TRIM75: variants seen among roughly 807,000 people sequenced by gnomAD.
TRIM75 encodes the protein tripartite motif-containing protein 75.
chr4:165,059,479 A>T, the TRIM75 span: 2 of 780,882 alleles, frequency 2.6e-6, no homozygotes, highest in Non-Finnish European at 4.8e-6. Context: ...TGCAAGGAGG[A>T]CCTGATGGTG....
chr4:165,056,015 A>G, the TRIM75 span, among the ~76,000 whole-genome samples: 2 of 150,192 alleles, frequency 1.3e-5, no homozygotes, highest in African/African-American at 2.5e-5. Flanking sequence ...TCCTGGGTTC[A>G]AGCGACTTTC....
the TRIM75 span, chr4:165,060,359 G>A: frequency 6.4e-6 from 5 of 780,906 alleles, no homozygotes; most frequent in African/African-American, 6.7e-5. Flanking sequence ...CAACCCCTCT[G>A]TTGTTAGAGG....
chr4:165,055,078 A>T, the TRIM75 span, among the ~76,000 whole-genome samples: 1 of 152,058 alleles, frequency 6.6e-6, no homozygotes, highest in Non-Finnish European at 1.5e-5. Flanking sequence ...GGAGGGGTTA[A>T]GTAGCTCCCC....
the TRIM75 span, among the ~76,000 whole-genome samples, chr4:165,054,324 C>A: frequency 1.4e-5 from 2 of 144,016 alleles, no homozygotes. Flanking sequence ...GGCTGGAGTG[C>A]AGTGGCTATC....
At chr4:165,057,252 G>C in the TRIM75 span, among the ~76,000 whole-genome samples, 1 of 152,032 alleles carries the variant, frequency 6.6e-6, no homozygotes, top group Admixed American at 6.6e-5. Flanking sequence ...GCTCACACCT[G>C]TAATCCTCGC....
the TRIM75 span, chr4:165,060,005 G>T: frequency 2.6e-6 from 2 of 774,644 alleles, no homozygotes; most frequent in East Asian, 4.9e-5. Context: ...CTGCTCTGCA[G>T]AGAATTATAA....
the TRIM75 span, among the ~76,000 whole-genome samples, chr4:165,055,865 G>A: frequency 2.6e-5 from 4 of 151,544 alleles, no homozygotes; most frequent in Non-Finnish European, 4.4e-5. Flanking sequence ...GGTGGATCAC[G>A]TGAGCCCAAG....
the TRIM75 span, among the ~76,000 whole-genome samples, chr4:165,055,266 G>T: frequency 1.3e-5 from 2 of 149,712 alleles, no homozygotes; most frequent in African/African-American, 2.5e-5. Context: ...GAGCCACTGT[G>T]CCTGGTAAGA....
At chr4:165,054,764 G>T in the TRIM75 span, among the ~76,000 whole-genome samples, 2 of 152,106 alleles carry the variant, frequency 1.3e-5, no homozygotes, top group African/African-American at 4.8e-5. Context: ...TACTAGTTTT[G>T]TCCTAAGTCA....
the TRIM75 span, among the ~76,000 whole-genome samples, chr4:165,054,781 T>C: frequency 2.0e-4 from 31 of 152,184 alleles, no homozygotes; most frequent in Non-Finnish European, 3.2e-4. Flanking sequence ...GTCACCGAAA[T>C]GCTTACTAAA....
chr4:165,055,639 G>A, the TRIM75 span, among the ~76,000 whole-genome samples: 1 of 152,158 alleles, frequency 6.6e-6, no homozygotes, highest in Non-Finnish European at 1.5e-5. Context: ...GCTGGAAGAT[G>A]AGGCCAGAGG....
the TRIM75 span, among the ~76,000 whole-genome samples, chr4:165,054,266 ATTTT>A: frequency 0.029 from 2,821 of 96,878 alleles, 122 homozygotes; most frequent in African/African-American, 0.1. Context: ...TAATTTGTGT[ATTTT>A]TTTTTTTTTT....
chr4:165,054,718 C>T, the TRIM75 span, among the ~76,000 whole-genome samples: 4 of 152,098 alleles, frequency 2.6e-5, no homozygotes, highest in Admixed American at 6.5e-5. Context: ...TATTTTAAAA[C>T]GCACGCCATT....
the TRIM75 span, chr4:165,060,236 T>G: frequency 1.3e-6 from 1 of 780,814 alleles, no homozygotes; most frequent in Non-Finnish European, 2.4e-6. Flanking sequence ...AATGGGCTAT[T>G]GGCATTTGCA....
the TRIM75 span, chr4:165,060,508 C>T: frequency 1.3e-6 from 1 of 777,926 alleles, no homozygotes; most frequent in Non-Finnish European, 2.4e-6. Context: ...TATGTAGGAC[C>T]AGATTCACAA....
At chr4:165,059,214 C>G in the TRIM75 span, 1 of 780,244 alleles carries the variant, frequency 1.3e-6, no homozygotes, top group Non-Finnish European at 2.4e-6. Context: ...TCTGGATTAC[C>G]TGAGTGACCC....
the TRIM75 span, among the ~76,000 whole-genome samples, chr4:165,053,904 C>T: frequency 6.6e-6 from 1 of 151,400 alleles, no homozygotes; most frequent in Non-Finnish European, 1.5e-5. Context: ...AGTGTGTGGC[C>T]TTTTGCACGG....
At chr4:165,056,404 G>C in the TRIM75 span, among the ~76,000 whole-genome samples, 3 of 151,768 alleles carry the variant, frequency 2.0e-5, no homozygotes, top group African/African-American at 4.8e-5. Context: ...CTGTCTTCAG[G>C]ACTGTCCCTT....
chr4:165,060,090 C>T, the TRIM75 span: 21 of 780,764 alleles, frequency 2.7e-5, no homozygotes, highest in Middle Eastern at 2.3e-4. Flanking sequence ...AGATAAAAAA[C>T]GTGTGAGATT....
Sources: allele counts gnomAD v4.1 joint callset (sites outside exome capture counted in the v4.1 genomes callset), GRCh38; gene constraint gnomAD v4.1.1; transcripts MANE v1.5; gene names NCBI Gene and HGNC (gene_info 2026-07-23, HGNC 2026-07-21).